The following REV3L variants were observed in gnomAD, a reference collection of about 807,000 sequenced individuals.
The protein encoded by REV3L is DNA polymerase zeta catalytic subunit.
In REV3L, 69 loss-of-function variants were observed where a neutral mutation model predicts 299.4. The ratio of observed to expected loss-of-function variants is 0.23; its 90% CI spans 0.19 to 0.28. The LOEUF is 0.28. REV3L is among the 10% of genes least tolerant of loss of function. The pLI is 1.00. For synonymous variants in REV3L, 1,238 were observed against 1,271.4 expected (o/e 0.97, Z 0.56); for missense variants, 3,128 against 3,693.8 (o/e 0.85, Z 3.97).
intron 4 of REV3L, among the ~76,000 whole-genome samples, chr6:111,399,258 T>C (rs1273610137): frequency 2.0e-5 from 3 of 152,190 alleles, no homozygotes; most frequent in Non-Finnish European, 4.4e-5. Context: ...AACTAACTTA[T>C]TATTTTCCCC....
At chr6:111,304,613 CTTT>C (rs57907202) in intron 31 of REV3L, among the ~76,000 whole-genome samples, 78 of 116,584 alleles carry the variant, frequency 6.7e-4, no homozygotes, top group Non-Finnish European at 9.4e-4. Context: ...ATCGCTTTTT[CTTT>C]TTTTTTTTTT....
At chr6:111,340,681 T>G (rs895249654) in intron 21 of REV3L, among the ~76,000 whole-genome samples, 1 of 152,130 alleles carries the variant, frequency 6.6e-6, no homozygotes, top group Non-Finnish European at 1.5e-5. Context: ...TCAGACTTAT[T>G]TTTTTGTATT....
chr6:111,316,056 T>A (rs978568029), intron 26 of REV3L, among the ~76,000 whole-genome samples: 1 of 151,950 alleles, frequency 6.6e-6, no homozygotes, highest in Admixed American at 6.6e-5. Flanking sequence ...CTGACCAACA[T>A]GGTGAAACCC....
intron 14 of REV3L, among the ~76,000 whole-genome samples, chr6:111,365,927 A>AGAT (rs1779141878): frequency 6.6e-6 from 1 of 152,276 alleles, no homozygotes; most frequent in Admixed American, 6.5e-5. Flanking sequence ...CCCAGGCAAG[A>AGAT]GATGATGACA....
chr6:111,322,604 T>A lies in REV3L; in HGVS notation c.8316A>T (p.Lys2772Asn). The change falls in exon 26 of 32, where the codon AAA becomes AAT. Residue 2772 changes from lysine to asparagine, a missense_variant. Coordinates refer to ENST00000368802, the MANE Select transcript of REV3L (RefSeq NM_001372078.1). ...RAIKLVNDTK[K>N]WGARVVYGDT... ...CGCCATATACAACCCTAGCCCCCCA[T>A]TTCTTGGTATCATTCACCAGTTTAA... 2 of 1,614,112 alleles carry A rather than the reference T, an allele frequency of 1.2e-6. No individual in the cohort carries two copies. Among genetic ancestry groups the A allele is most frequent in the Non-Finnish European group, 1.7e-6 (2 of 1,179,994 alleles).
chr6:111,444,703 C>T (rs1246883493), intron 1 of REV3L, among the ~76,000 whole-genome samples: 1 of 152,146 alleles, frequency 6.6e-6, no homozygotes, highest in Non-Finnish European at 1.5e-5. Context: ...CTTTTTGATA[C>T]AGCCAAGATA....
intron 21 of REV3L, among the ~76,000 whole-genome samples, chr6:111,337,500 AAAGCT>A (rs1024704622): frequency 6.6e-6 from 1 of 152,176 alleles, no homozygotes; most frequent in African/African-American, 2.4e-5. Flanking sequence ...GAACATTTTT[AAAGCT>A]AAGTCTTTAT....
intron 21 of REV3L, 128 bp downstream of exon 21, chr6:111,343,797 T>C: frequency 1.7e-6 from 1 of 571,880 alleles, no homozygotes; most frequent in Non-Finnish European, 2.8e-6. Flanking sequence ...CCCAATGTGC[T>C]AGGATTACAG....
intron 1 of REV3L, among the ~76,000 whole-genome samples, chr6:111,422,864 A>T (rs1013823489): frequency 6.6e-6 from 1 of 151,312 alleles, no homozygotes; most frequent in Non-Finnish European, 1.5e-5. Context: ...GGAGTTTCAA[A>T]TTTATTTATG....
intron 26 of REV3L, among the ~76,000 whole-genome samples, chr6:111,319,851 T>TG (rs1224038815): frequency 1.3e-5 from 2 of 151,760 alleles, no homozygotes; most frequent in African/African-American, 2.4e-5. Flanking sequence ...TTCTCTGAGA[T>TG]GGAGTTTTGC....
At chr6:111,382,783 A>AC (rs200669933) in intron 9 of REV3L, among the ~76,000 whole-genome samples, 143 of 151,030 alleles carry the variant, frequency 9.5e-4, no homozygotes, top group African/African-American at 3.1e-3. Flanking sequence ...TATTTGTGTC[A>AC]CCCCCCCTCC....
intron 1 of REV3L, among the ~76,000 whole-genome samples, chr6:111,456,677 A>C (rs922295166): frequency 3.3e-5 from 5 of 152,208 alleles, no homozygotes; most frequent in African/African-American, 7.2e-5. Flanking sequence ...TCAGATACTA[A>C]TACTCATTCC....
intron 1 of REV3L, among the ~76,000 whole-genome samples, chr6:111,471,675 TAAGTATAATA>T (rs1381351336): frequency 6.6e-6 from 1 of 152,220 alleles, no homozygotes; most frequent in Non-Finnish European, 1.5e-5. Flanking sequence ...AAGGCTAACA[TAAGTATAATA>T]ACTTGCTCGG....
chr6:111,362,089 GTT>G (rs947511099), intron 16 of REV3L, among the ~76,000 whole-genome samples: 1 of 152,104 alleles, frequency 6.6e-6, no homozygotes, highest in African/African-American at 2.4e-5. Context: ...TTTTAAAAAA[GTT>G]TTTAAAAATT....
intron 21 of REV3L, among the ~76,000 whole-genome samples, chr6:111,336,260 C>T (rs1004164297): frequency 6.6e-6 from 1 of 151,800 alleles, no homozygotes; most frequent in Admixed American, 6.6e-5. Flanking sequence ...TCAGCAAATC[C>T]ATAAAAAGAA....
At chr6:111,462,246 C>T (rs541405238) in intron 1 of REV3L, among the ~76,000 whole-genome samples, 2 of 152,124 alleles carry the variant, frequency 1.3e-5, no homozygotes, top group East Asian at 3.9e-4. Context: ...ATGTCTATTG[C>T]TAATATGTAT....
intron 1 of REV3L, among the ~76,000 whole-genome samples, chr6:111,424,422 G>C (rs1436981174): frequency 2.0e-5 from 3 of 152,146 alleles, no homozygotes; most frequent in African/African-American, 7.2e-5. Context: ...GGCAAAAACT[G>C]TCAAAAGCAA....
chr6:111,470,174 TCACA>T (rs6149753), intron 1 of REV3L, among the ~76,000 whole-genome samples: 64 of 150,366 alleles, frequency 4.3e-4, no homozygotes, highest in South Asian at 8.4e-4. Flanking sequence ...TTACTATCTC[TCACA>T]CACACACACA....
Position 111,390,204 on chromosome 6 carries a change from C to T in REV3L, c.663-24G>A, listed in dbSNP as rs367681410. On this transcript the variant is annotated intron_variant, in intron 5 of 31. Coordinates refer to ENST00000368802, the MANE Select transcript of REV3L (RefSeq NM_001372078.1). ...AGCTGCAATTAAAGGATATAAAAAA[C>T]ATAATAATTATGTGAGAGCAAACTT... The T allele has an allele frequency of 3.8e-5, 54 of 1,414,086 alleles. No individual in the cohort carries two copies. The African/African-American group carries it at 5.5e-4, about 14-fold the overall frequency. 87.6% of individuals were successfully genotyped at this position (1,414,086 alleles called of 1,614,324 possible).
Sources: allele counts gnomAD v4.1 joint callset (sites outside exome capture counted in the v4.1 genomes callset), GRCh38; gene constraint gnomAD v4.1.1; transcripts MANE v1.5; gene names NCBI Gene and HGNC (gene_info 2026-07-23, HGNC 2026-07-21).